The following RALYL variants were observed in gnomAD, a reference collection of about 807,000 sequenced individuals.
RALYL encodes the protein RNA-binding Raly-like protein.
In RALYL, 29 loss-of-function variants were observed where a neutral mutation model predicts 35.1. The observed-to-expected ratio is 0.83, with a 90% confidence interval of 0.61 to 1.13. The LOEUF is 1.13. RALYL is among the 50% of genes most tolerant of loss of function. RALYL has a pLI of 0.00. For synonymous variants in RALYL, 120 were observed against 127.6 expected (o/e 0.94, Z 0.40); for missense variants, 359 against 360.4 (o/e 1.00, Z 0.03).
rs532756460 is a variant in RALYL at position 84,579,758 on chromosome 8, A to G, written c.256+50181A>G. On this transcript the variant is annotated intron_variant, in intron 2 of 8. Coordinates refer to ENST00000521268, the MANE Select transcript of RALYL (RefSeq NM_173848.7). ...AGAAAATTGTGGCAAAATAAAAATT[A>G]TTAATCAGATTCTATACTATTTTCT... Among the ~76,000 whole-genome samples, 40 of 152,370 alleles carry G rather than the reference A, an allele frequency of 2.6e-4. No individual in the cohort carries two copies. The Middle Eastern group carries it at 0.01, about 39-fold the overall frequency.
At chr8:84,603,000 A>G (rs1035504382) in intron 2 of RALYL, among the ~76,000 whole-genome samples, 1 of 152,146 alleles carries the variant, frequency 6.6e-6, no homozygotes, top group African/African-American at 2.4e-5. Flanking sequence ...GAGGATTGAA[A>G]TGTCCTAGAC....
At chr8:84,917,420 T>C (rs1268802499) in intron 8 of RALYL, among the ~76,000 whole-genome samples, 1 of 151,894 alleles carries the variant, frequency 6.6e-6, no homozygotes, top group Non-Finnish European at 1.5e-5. Flanking sequence ...CTATAGACAA[T>C]GTCAAGGGTT....
chr8:84,537,304 T>A (rs1165922509), intron 2 of RALYL, among the ~76,000 whole-genome samples: 1 of 151,708 alleles, frequency 6.6e-6, no homozygotes, highest in Non-Finnish European at 1.5e-5. Context: ...ACCCCATCTC[T>A]GCAAAAAATA....
intron 2 of RALYL, among the ~76,000 whole-genome samples, chr8:84,666,480 T>C (rs1343151364): frequency 1.3e-5 from 2 of 152,024 alleles, no homozygotes; most frequent in Non-Finnish European, 2.9e-5. Context: ...TTGAGAGACA[T>C]GTGGAATGGA....
chr8:84,200,570 T>A (rs981983576), intron 1 of RALYL, among the ~76,000 whole-genome samples: 2 of 152,174 alleles, frequency 1.3e-5, no homozygotes, highest in African/African-American at 4.8e-5. Flanking sequence ...AAAATAATTT[T>A]AACTGTTAAC....
At chr8:84,908,928 G>C (rs896605135) in intron 8 of RALYL, among the ~76,000 whole-genome samples, 4 of 151,034 alleles carry the variant, frequency 2.6e-5, no homozygotes, top group Non-Finnish European at 4.4e-5. Flanking sequence ...AGATCGACTT[G>C]TTATATCACA....
intron 2 of RALYL, among the ~76,000 whole-genome samples, chr8:84,766,681 G>A (rs902395833): frequency 2.4e-5 from 3 of 122,942 alleles, no homozygotes; most frequent in Admixed American, 1.1e-4. Context: ...CTGAGATCGC[G>A]CCACTGCACT....
chr8:84,886,563 C>T (rs757032932), intron 7 of RALYL, among the ~76,000 whole-genome samples: 5 of 152,016 alleles, frequency 3.3e-5, no homozygotes, highest in Non-Finnish European at 7.4e-5. Context: ...TGAAAACAAC[C>T]AACTTTTGAA....
chr8:84,749,819 A>G (rs1008896490), intron 2 of RALYL, among the ~76,000 whole-genome samples: 2 of 152,216 alleles, frequency 1.3e-5, no homozygotes, highest in African/African-American at 4.8e-5. Context: ...GCTGAATTCA[A>G]TTCTGTGAAC....
At chr8:84,187,234 A>G (rs1047746724) in intron 1 of RALYL, among the ~76,000 whole-genome samples, 1 of 152,090 alleles carries the variant, frequency 6.6e-6, no homozygotes, top group Non-Finnish European at 1.5e-5. Flanking sequence ...TTTTTATGGG[A>G]TAATAAAATG....
chr8:84,525,946 CTTTTTTCTTTT>C (rs1291278067), intron 1 of RALYL, among the ~76,000 whole-genome samples: 3 of 122,804 alleles, frequency 2.4e-5, no homozygotes, highest in Non-Finnish European at 5.1e-5. Context: ...TTTCTCTTTT[CTTTTTTCTTTT>C]TTTTTTTTTT....
chr8:84,441,896 G>A (rs1463080605), intron 1 of RALYL, among the ~76,000 whole-genome samples: 1 of 152,036 alleles, frequency 6.6e-6, no homozygotes, highest in African/African-American at 2.4e-5. Context: ...GATTGGCTTT[G>A]GAAATTCCTC....
At chr8:84,540,667 A>G (rs2059962344) in intron 2 of RALYL, among the ~76,000 whole-genome samples, 1 of 151,774 alleles carries the variant, frequency 6.6e-6, no homozygotes, top group South Asian at 2.1e-4. Flanking sequence ...TGTCGAGGAG[A>G]TGCTGGCCTC....
At chr8:84,671,957 C>G (rs2131834036) in intron 2 of RALYL, among the ~76,000 whole-genome samples, 1 of 152,322 alleles carries the variant, frequency 6.6e-6, no homozygotes, top group Middle Eastern at 3.4e-3. Flanking sequence ...TGTCAGGCTG[C>G]AAATTTTCCA....
intron 1 of RALYL, among the ~76,000 whole-genome samples, chr8:84,384,463 T>G (rs1858725792): frequency 6.6e-6 from 1 of 151,804 alleles, no homozygotes; most frequent in Admixed American, 6.6e-5. Context: ...TGCATTTTCA[T>G]GAAAGCATAA....
At chr8:84,462,441 T>C (rs1414785519) in intron 1 of RALYL, among the ~76,000 whole-genome samples, 1 of 143,436 alleles carries the variant, frequency 7.0e-6, no homozygotes, top group Non-Finnish European at 1.5e-5. Context: ...ACTCTCTTTG[T>C]AAAAAAAAAA....
chr8:84,689,347 C>T (rs895133450), intron 2 of RALYL, among the ~76,000 whole-genome samples: 36 of 152,104 alleles, frequency 2.4e-4, no homozygotes, highest in African/African-American at 5.3e-4. Context: ...TTTGTTCTTG[C>T]GATAGTTTAC....
At chr8:84,246,790 GGA>G (rs1257713621) in intron 1 of RALYL, among the ~76,000 whole-genome samples, 2 of 152,088 alleles carry the variant, frequency 1.3e-5, no homozygotes, top group African/African-American at 4.8e-5. Flanking sequence ...ATGTGGAGGA[GGA>G]GAGACATGGG....
chr8:84,273,425 A>G (rs2131976624), intron 1 of RALYL, among the ~76,000 whole-genome samples: 2 of 152,376 alleles, frequency 1.3e-5, no homozygotes, highest in East Asian at 3.9e-4. Flanking sequence ...AAGTGAAGGC[A>G]CTTAGATGGA....
Sources: gnomAD v4.1 joint callset for allele counts (sites outside exome capture counted in the v4.1 genomes callset) on GRCh38, gnomAD v4.1.1 for gene constraint, MANE v1.5 for transcripts, NCBI Gene and HGNC (gene_info 2026-07-23, HGNC 2026-07-21) for gene names.